Variants in RABGGTB observed in about 807,000 individuals in gnomAD.
RABGGTB encodes the protein geranylgeranyl transferase type-2 subunit beta.
Under a neutral mutation model 44.5 loss-of-function variants are expected in RABGGTB, and 20 were observed. The ratio of observed to expected loss-of-function variants is 0.45; its 90% CI spans 0.32 to 0.65. The LOEUF is 0.65. RABGGTB is among the 30% of genes least tolerant of loss of function. The pLI is 0.05. For synonymous variants in RABGGTB, 128 were observed against 136.7 expected (o/e 0.94, Z 0.44); for missense variants, 302 against 398.7 (o/e 0.76, Z 2.06).
At chr1:75,788,767 G>A (rs1396178835) in intron 2 of RABGGTB, 3 of 175,170 alleles carry the variant, frequency 1.7e-5, no homozygotes, top group Non-Finnish European at 2.5e-5. Context: ...ATAGATAATA[G>A]GTTTTGTACA....
intron 7 of RABGGTB, 127 bp from the exon 8 acceptor site, chr1:75,793,957 C>A: frequency 2.1e-6 from 2 of 955,820 alleles, no homozygotes; most frequent in Non-Finnish European, 3.0e-6. Context: ...TGGATTTCGT[C>A]CTTCCACATG....
At chr1:75,787,904 G>A (rs776157035) in intron 2 of RABGGTB, 4 of 608,692 alleles carry the variant, frequency 6.6e-6, no homozygotes, top group African/African-American at 3.6e-5. Context: ...ATGATGTGTT[G>A]GCATGTATTA....
chr1:75,788,979 T>C lies in RABGGTB; in HGVS notation c.112-180T>C. Reference sequence around the variant, plus strand: ...AATTGTTTTTTTCTGATAATAGTTGTGTCTGAAGATGGCTTCTAACATTGA... The same window carrying C: ...AATTGTTTTTTTCTGATAATAGTTGCGTCTGAAGATGGCTTCTAACATTGA... On this transcript the variant is annotated intron_variant, in intron 2 of 8. Coordinates refer to ENST00000319942, the MANE Select transcript of RABGGTB (RefSeq NM_004582.4). 4 of 592,132 alleles carry C rather than the reference T, an allele frequency of 6.8e-6. No individual in the cohort carries two copies. In the South Asian group the frequency reaches 8.7e-5, roughly 13 times the overall value. The allele number at this position is 592,132 out of a possible 1,614,324, so 36.7% of individuals were successfully genotyped here. A position where few individuals can be genotyped will look rare whatever the true frequency, so the allele number is the denominator to read the frequency against.
intron 8 of RABGGTB, 95 bp downstream of exon 8, chr1:75,794,328 C>T: frequency 1.4e-6 from 2 of 1,427,736 alleles, no homozygotes; most frequent in Non-Finnish European, 1.9e-6. Flanking sequence ...CCGAGTGTTG[C>T]TTTGAAAGCA....
At chr1:75,792,772 G>C (rs753615859) in intron 7 of RABGGTB, among the ~76,000 whole-genome samples, 4 of 152,204 alleles carry the variant, frequency 2.6e-5, no homozygotes, top group Non-Finnish European at 4.4e-5. Context: ...GCAGCCATAA[G>C]TGGTAAGAAA....
intron 2 of RABGGTB, chr1:75,787,933 G>T: frequency 1.8e-6 from 1 of 563,390 alleles, no homozygotes; most frequent in Non-Finnish European, 3.4e-6. Flanking sequence ...TATTGCTGAT[G>T]TGTAATAACA....
intron 1 of RABGGTB, 65 bp from the exon 2 acceptor site, chr1:75,787,432 A>G (rs191851309): frequency 4.2e-6 from 5 of 1,186,672 alleles, no homozygotes; most frequent in African/African-American, 1.5e-5. Context: ...TGTTGAATCT[A>G]TGCTGTGGGG....
chr1:75,789,104 T>G (rs541607406), intron 2 of RABGGTB, 55 bp from the exon 3 acceptor site: 1 of 1,522,050 alleles, frequency 6.6e-7, no homozygotes, highest in South Asian at 1.1e-5. Flanking sequence ...TTTAATCTCT[T>G]TATAACTTGT....
At chr1:75,793,968 G>A in intron 7 of RABGGTB, 116 bp from the exon 8 acceptor site, 3 of 1,098,128 alleles carry the variant, frequency 2.7e-6, no homozygotes, top group South Asian at 2.0e-5. Flanking sequence ...CTTCCACATG[G>A]TTTGACACTT....
intron 3 of RABGGTB, 52 bp downstream of exon 3, chr1:75,789,408 A>G: frequency 1.3e-6 from 2 of 1,556,500 alleles, no homozygotes; most frequent in Non-Finnish European, 1.8e-6. Flanking sequence ...CTCTTACTTC[A>G]GAGTTGGAAA....
upstream of RABGGTB, chr1:75,786,216 C>T: frequency 3.7e-6 from 6 of 1,612,094 alleles, no homozygotes; most frequent in Non-Finnish European, 5.1e-6. Context: ...TGCGCAGGCG[C>T]CCGGCTCCTA....
In RABGGTB at chr1:75,790,425, C is replaced by T. The variant is rs539630096; in HGVS notation, c.415+368C>T. ...AGGGAATAGAATTTTATTTGATAAA[C>T]GTAGATAATCTCTGCTTTAGGGATG... On this transcript the variant is annotated intron_variant, in intron 4 of 8. Transcript: ENST00000319942. 70 of 1,115,922 alleles carry T rather than the reference C, an allele frequency of 6.3e-5. 1 individual carries two copies. The African/African-American group carries it at 9.3e-4, about 15-fold the overall frequency. 69.1% of individuals were successfully genotyped at this position (1,115,922 alleles called of 1,614,324 possible).
At chr1:75,787,699 A>G (rs977351950) in intron 2 of RABGGTB, 95 bp downstream of exon 2, 4 of 980,676 alleles carry the variant, frequency 4.1e-6, no homozygotes, top group Admixed American at 3.7e-5. Flanking sequence ...ATGGCATCCA[A>G]CTCCATGCAG....
chr1:75,795,006 T>A lies in RABGGTB; in HGVS notation c.*356T>A, dbSNP rs1273535815. 4.2e-6 allele frequency: 1 copy of A among 236,268 alleles called. No homozygotes were observed. Among genetic ancestry groups the A allele is most frequent in the African/African-American group, 2.3e-5 (1 of 42,920 alleles). The allele number at this position is 236,268 out of a possible 1,614,324, so 14.6% of individuals were successfully genotyped here. A position where few individuals can be genotyped will look rare whatever the true frequency, so the allele number is the denominator to read the frequency against. On this transcript the variant is annotated 3_prime_UTR_variant, in exon 9 of 9. Transcript: ENST00000319942. ...ATGTAAATTGGTTTGTCAACAAGAA[T>A]GTTAACTGATGAAAGTGGATAGAAC...
chr1:75,793,780 G>A (rs1388430875), intron 7 of RABGGTB: 3 of 252,438 alleles, frequency 1.2e-5, no homozygotes, highest in African/African-American at 2.2e-5. Context: ...AAGGGGCTGA[G>A]TTAGGCATTC....
intron 4 of RABGGTB, 127 bp from the exon 5 acceptor site, chr1:75,791,158 C>G (rs938110776): frequency 3.7e-6 from 3 of 813,752 alleles, no homozygotes; most frequent in African/African-American, 1.7e-5. Context: ...AGCTTTCCTC[C>G]TGACTACCCT....
chr1:75,790,345 GA>G (rs1421379780), intron 4 of RABGGTB: 3 of 1,166,746 alleles, frequency 2.6e-6, no homozygotes, highest in East Asian at 3.3e-5. Context: ...GCTGGAAAGG[GA>G]AAAATATTTA....
rs766324655 is a variant in RABGGTB at position 75,786,284 on chromosome 1, A to G, written c.3+10A>G. On this transcript the variant is annotated intron_variant, in intron 1 of 8. Transcript: ENST00000319942. ...TTCCCTGTTAGACATGGTAAGTGTG[A>G]GTTTAGCGCTGCTGTCCGGATGGGT... The G allele has an allele frequency of 1.2e-6, 2 of 1,614,148 alleles. No individual in the cohort carries two copies. The highest frequency in any genetic ancestry group is 1.7e-6 in the Non-Finnish European group (2 of 1,180,016).
chr1:75,787,783 G>C, intron 2 of RABGGTB, 179 bp downstream of exon 2: 2 of 665,586 alleles, frequency 3.0e-6, no homozygotes, highest in East Asian at 5.2e-5. Context: ...GGGCTTATTA[G>C]AATCTCAGTT....
Sources: allele counts gnomAD v4.1 joint callset (sites outside exome capture counted in the v4.1 genomes callset), GRCh38; gene constraint gnomAD v4.1.1; transcripts MANE v1.5; gene names NCBI Gene and HGNC (gene_info 2026-07-23, HGNC 2026-07-21).